Variants in FRMD4B observed in about 807,000 individuals in gnomAD.
FRMD4B encodes the protein FERM domain containing 4B.
In FRMD4B, 74 loss-of-function variants were observed where a neutral mutation model predicts 141.5. That is an observed-to-expected ratio of 0.52 (90% confidence interval 0.43 to 0.63). FRMD4B has a LOEUF of 0.63. Ranked by LOEUF, FRMD4B falls within the 30% of genes least tolerant of loss-of-function variation. The probability of loss-of-function intolerance (pLI) is 0.00; values close to 1 mark genes in which losing one functional copy is unlikely to be tolerated. For missense variants in FRMD4B, 1,366 were observed against 1,253.4 expected, an observed-to-expected ratio of 1.09 and a Z score of -1.36; for synonymous variants, 506 against 467.9, an observed-to-expected ratio of 1.08 and a Z score of -1.05.
rs1458970028 is a variant in FRMD4B at position 69,216,495 on chromosome 3, G to C, written c.790-146C>G. On this transcript the variant is annotated intron_variant, in intron 10 of 22. Transcript: ENST00000398540. ...TCACCAGGCTGGAGTGCAGTGGCAT[G>C]ATCTCGGCTCACTGCAATCTCTGCC... 2.0e-5 allele frequency: 11 copies of C among 556,198 alleles called. No individual in the cohort carries two copies. In the Admixed American group the frequency reaches 2.5e-4, roughly 13 times the overall value. 34.5% of individuals were successfully genotyped at this position (556,198 alleles called of 1,614,324 possible).
upstream of FRMD4B, among the ~76,000 whole-genome samples, chr3:69,388,495 C>T (rs186277275): frequency 7.2e-5 from 11 of 152,048 alleles, no homozygotes; most frequent in South Asian, 8.3e-4. Context: ...TGGAGGATTC[C>T]GACTCATGCT....
At chr3:69,321,649 T>C (rs192997889) in intron 1 of FRMD4B, among the ~76,000 whole-genome samples, 2 of 152,340 alleles carry the variant, frequency 1.3e-5, no homozygotes, top group East Asian at 3.9e-4. Flanking sequence ...TATAAATATC[T>C]GCTGAGTTAA....
At chr3:69,509,892 G>T (rs1706662032) in intron 1 of FRMD4B, among the ~76,000 whole-genome samples, 2 of 151,250 alleles carry the variant, frequency 1.3e-5, no homozygotes, top group African/African-American at 2.4e-5. Context: ...TTGCAATCAA[G>T]CAAGTCACAT....
intron 1 of FRMD4B, among the ~76,000 whole-genome samples, chr3:69,501,177 C>T (rs1706489628): frequency 6.6e-6 from 1 of 150,640 alleles, no homozygotes; most frequent in African/African-American, 2.4e-5. Context: ...TACAGCCCAA[C>T]ACAAATTTGT....
chr3:69,488,842 G>A lies in FRMD4B; in HGVS notation c.-129+53364C>T, dbSNP rs573683939. Among the ~76,000 whole-genome samples the A allele has an allele frequency of 7.1e-5, 10 of 140,122 alleles. 1 individual carries two copies. Among genetic ancestry groups the A allele is most frequent in the East Asian group, 4.3e-4 (2 of 4,660 alleles). 91.9% of individuals were successfully genotyped at this position (140,122 alleles called of 152,430 possible). On this transcript the variant is annotated intron_variant, in intron 1 of 5. Coordinates refer to the FRMD4B transcript ENST00000459638. ...CAGAAGGCAGAGGTTGCAGTGAGCC[G>A]AGATCACACCACTGCACTCCAGCCT...
intron 2 of FRMD4B, among the ~76,000 whole-genome samples, chr3:69,391,755 G>A (rs1704388708): frequency 6.6e-6 from 1 of 152,182 alleles, no homozygotes; most frequent in Non-Finnish European, 1.5e-5. Context: ...GAACCACTGT[G>A]ATGTGACGTG....
At chr3:69,383,001 A>G (rs1309911580) in intron 1 of FRMD4B, among the ~76,000 whole-genome samples, 2 of 152,202 alleles carry the variant, frequency 1.3e-5, no homozygotes, top group Non-Finnish European at 2.9e-5. Context: ...TTCTATTATA[A>G]TAAAAAAAAT....
chr3:69,245,958 C>T (rs539992920), intron 7 of FRMD4B, among the ~76,000 whole-genome samples: 6 of 151,522 alleles, frequency 4.0e-5, no homozygotes, highest in Non-Finnish European at 5.9e-5. Flanking sequence ...CTTCCTCAGC[C>T]TCCCAAGTAG....
intron 1 of FRMD4B, among the ~76,000 whole-genome samples, chr3:69,495,078 G>C (rs1269575748): frequency 6.6e-6 from 1 of 152,140 alleles, no homozygotes; most frequent in Non-Finnish European, 1.5e-5. Context: ...GTGGTTGCAA[G>C]GTATAGACTT....
chr3:69,465,134 C>G (rs1274332704), intron 1 of FRMD4B, among the ~76,000 whole-genome samples: 1 of 152,100 alleles, frequency 6.6e-6, no homozygotes, highest in East Asian at 1.9e-4. Flanking sequence ...TCCTGGCTAA[C>G]ATGGTGAAAC....
chr3:69,385,962 C>T lies in FRMD4B; in HGVS notation c.28G>A (p.Glu10Lys). 6.2e-7 allele frequency: 1 copy of T among 1,604,620 alleles called. No individual in the cohort carries two copies. The highest frequency in any genetic ancestry group is 8.5e-7 in the Non-Finnish European group (1 of 1,175,870). Residue 10 changes from glutamate to lysine, a missense_variant, in exon 1 of 23, where the codon GAG (glutamate) becomes AAG (lysine). By Grantham distance (56) the Glu-to-Lys change is moderately conservative. Coordinates refer to ENST00000398540, the MANE Select transcript of FRMD4B (RefSeq NM_015123.3). MASVFMCGV[E>K]DLLFSGSRFV... ...CGGCTGCCGCTGAACAGCAGGTCCT[C>T]CACGCCACACATGAACACCGAAGCC...
chr3:69,506,788 C>G (rs931903897), intron 1 of FRMD4B, among the ~76,000 whole-genome samples: 1 of 151,084 alleles, frequency 6.6e-6, no homozygotes, highest in African/African-American at 2.4e-5. Flanking sequence ...AAACAATTCT[C>G]CTGCCTTGGC....
At chr3:69,458,053 G>A (rs932008212) in intron 1 of FRMD4B, among the ~76,000 whole-genome samples, 3 of 152,130 alleles carry the variant, frequency 2.0e-5, no homozygotes, top group Non-Finnish European at 2.9e-5. Context: ...CTTGCTTCCT[G>A]GGAATCTCCT....
At chr3:69,502,301 C>T (rs997113130) in intron 1 of FRMD4B, among the ~76,000 whole-genome samples, 13 of 152,154 alleles carry the variant, frequency 8.5e-5, no homozygotes, top group African/African-American at 2.7e-4. Flanking sequence ...GCTACAGTAA[C>T]CAAAACAGCA....
intron 1 of FRMD4B, chr3:69,353,634 T>C (rs9867072): frequency 0.1 from 98,579 of 983,550 alleles, 5,867 homozygotes; most frequent in African/African-American, 0.24. Context: ...GTGCGGTGTG[T>C]GTGTGTGTGC....
At chr3:69,272,941 T>C (rs926037594) in intron 5 of FRMD4B, among the ~76,000 whole-genome samples, 2 of 152,226 alleles carry the variant, frequency 1.3e-5, no homozygotes, top group African/African-American at 4.8e-5. Context: ...AAAATATCTT[T>C]CTAAGTTTTA....
At chr3:69,454,714 C>G (rs1053549794) in intron 1 of FRMD4B, among the ~76,000 whole-genome samples, 12 of 152,210 alleles carry the variant, frequency 7.9e-5, no homozygotes, top group Non-Finnish European at 1.6e-4. Flanking sequence ...TGCCTGAGCC[C>G]CGCAGTGGGC....
chr3:69,469,156 G>T (rs1261963531), intron 1 of FRMD4B, among the ~76,000 whole-genome samples: 1 of 152,216 alleles, frequency 6.6e-6, no homozygotes, highest in African/African-American at 2.4e-5. Flanking sequence ...AGGGAGGCTC[G>T]GGGATGTAGT....
chr3:69,449,966 G>A (rs1341195802), intron 1 of FRMD4B, among the ~76,000 whole-genome samples: 1 of 152,124 alleles, frequency 6.6e-6, no homozygotes, highest in Non-Finnish European at 1.5e-5. Flanking sequence ...TGCTTGACAA[G>A]CTTGTGGGCA....
Sources: gnomAD v4.1 joint callset for allele counts (sites outside exome capture counted in the v4.1 genomes callset) on GRCh38, gnomAD v4.1.1 for gene constraint, MANE v1.5 for transcripts, NCBI Gene and HGNC (gene_info 2026-07-23, HGNC 2026-07-21) for gene names.